The following PDZRN4 variants were observed in gnomAD, a reference collection of about 807,000 sequenced individuals.
PDZRN4 encodes PDZ domain containing ring finger 4, also known as PDZ domain-containing RING finger protein 4.
PDZRN4 carries 70 observed loss-of-function variants against 99.0 expected under a neutral mutation model. The ratio of observed to expected loss-of-function variants is 0.71; its 90% CI spans 0.58 to 0.86. The LOEUF (loss-of-function observed/expected upper bound fraction) is 0.86. Among genes scored for constraint, PDZRN4 ranks in the 40% least tolerant of loss-of-function variants. PDZRN4 has a pLI of 0.00. For missense variants in PDZRN4, 1,474 were observed against 1,331.2 expected, an observed-to-expected ratio of 1.11 and a Z score of -1.67; for synonymous variants, 551 against 501.6, an observed-to-expected ratio of 1.10 and a Z score of -1.32.
intron 3 of PDZRN4, among the ~76,000 whole-genome samples, chr12:41,478,399 A>G (rs1937624798): frequency 6.6e-6 from 1 of 152,186 alleles, no homozygotes; most frequent in South Asian, 2.1e-4. Flanking sequence ...TACAAGCATG[A>G]GCCACTGCAC....
chr12:41,551,928 GAATTTAATATACATT>G (rs1319381387), intron 5 of PDZRN4, among the ~76,000 whole-genome samples: 3 of 152,166 alleles, frequency 2.0e-5, no homozygotes, highest in African/African-American at 7.2e-5. Flanking sequence ...ATCAGGAAAT[GAATTTAATATACATT>G]ACCTGAGGAC....
intron 7 of PDZRN4, among the ~76,000 whole-genome samples, chr12:41,559,498 G>A (rs532321942): frequency 4.6e-5 from 7 of 152,264 alleles, no homozygotes; most frequent in African/African-American, 1.7e-4. Context: ...TTTCCAAGGA[G>A]TTTCCAAGGA....
rs186068371 is a variant in PDZRN4 at position 41,284,671 on chromosome 12, T to C, written c.843+90483T>C. ...GTACCAAAACAGATATATAGACCAA[T>C]GACACAGAACAGAAGCCTCAGAAAT... is the stretch of plus-strand genomic sequence containing the variant. On this transcript the variant is annotated intron_variant, in intron 3 of 9. Coordinates refer to ENST00000402685, the MANE Select transcript of PDZRN4 (RefSeq NM_001164595.2). Among the ~76,000 whole-genome samples, 149 of 152,188 alleles carry C rather than the reference T, an allele frequency of 9.8e-4. 1 individual carries two copies. The highest frequency in any genetic ancestry group is 3.4e-3 in the African/African-American group (143 of 41,514).
At chr12:41,228,187 G>T (rs1591976502) in intron 3 of PDZRN4, among the ~76,000 whole-genome samples, 1 of 152,212 alleles carries the variant, frequency 6.6e-6, no homozygotes, top group East Asian at 1.9e-4. Context: ...CTCCGAATCT[G>T]CCAGAGCCCA....
intron 3 of PDZRN4, among the ~76,000 whole-genome samples, chr12:41,391,694 T>G (rs1952212274): frequency 6.6e-6 from 1 of 152,322 alleles, no homozygotes; most frequent in Non-Finnish European, 1.5e-5. Flanking sequence ...CCTCCCCCAA[T>G]CACTAGTTTA....
At chr12:41,506,407 CCT>C (rs1232293539) in intron 3 of PDZRN4, 47 bp from the exon 4 acceptor site, 1 of 1,523,556 alleles carries the variant, frequency 6.6e-7, no homozygotes, top group South Asian at 1.3e-5. Context: ...ATCATGACAG[CCT>C]CTCTGATCTT....
At chr12:41,366,376 G>T (rs990089340) in intron 3 of PDZRN4, among the ~76,000 whole-genome samples, 5 of 152,088 alleles carry the variant, frequency 3.3e-5, no homozygotes, top group African/African-American at 1.2e-4. Context: ...AAAGGACAGT[G>T]AAAAACTCCA....
intron 3 of PDZRN4, among the ~76,000 whole-genome samples, chr12:41,221,374 G>A (rs748447708): frequency 5.9e-5 from 9 of 152,142 alleles, no homozygotes; most frequent in East Asian, 1.9e-4. Context: ...GGCACATGGG[G>A]AAGAGAAAGC....
At chr12:41,436,800 C>G (rs985231563) in intron 3 of PDZRN4, among the ~76,000 whole-genome samples, 2 of 152,160 alleles carry the variant, frequency 1.3e-5, no homozygotes, top group Non-Finnish European at 2.9e-5. Context: ...TTTTAAGTCT[C>G]TGTTCACCTT....
chr12:41,509,829 A>G lies in PDZRN4; in HGVS notation c.1119A>G (p.Pro373=), dbSNP rs142347030. ...CCCATAGCTGCCATTCTCTACATCCAATGGAGCATGAATTTTATGAGGACA... is the reference window on the plus strand; with the variant it reads ...CCCATAGCTGCCATTCTCTACATCCGATGGAGCATGAATTTTATGAGGACA... ...LLSDSCHSLH[P]MEHEFYEDNE... is the part of the protein sequence containing the mutation. The change falls in exon 5 of 10, where the codon CCA becomes CCG. Residue 373 remains proline, a synonymous_variant. Coordinates refer to ENST00000402685, the MANE Select transcript of PDZRN4 (RefSeq NM_001164595.2). 9.1e-5 allele frequency: 144 copies of G among 1,582,770 alleles called. No homozygotes were observed. The African/African-American group carries it at 1.8e-3, about 19-fold the overall frequency.
intron 2 of PDZRN4, among the ~76,000 whole-genome samples, chr12:41,193,814 C>T (rs953919782): frequency 6.6e-6 from 1 of 152,136 alleles, no homozygotes; most frequent in Non-Finnish European, 1.5e-5. Context: ...TCACCTTGTA[C>T]ATGCCCTTTC....
intron 3 of PDZRN4, among the ~76,000 whole-genome samples, chr12:41,299,265 TGAGA>T (rs374747989): frequency 1.3e-5 from 2 of 150,284 alleles, no homozygotes; most frequent in East Asian, 1.9e-4. Flanking sequence ...GAGAGTAAAA[TGAGA>T]GAGAGAGAGA....
At chr12:41,322,656 A>G (rs1372642367) in intron 3 of PDZRN4, among the ~76,000 whole-genome samples, 1 of 151,302 alleles carries the variant, frequency 6.6e-6, no homozygotes, top group African/African-American at 2.4e-5. Context: ...ACGCCCGGCT[A>G]ATTATTGTTT....
intron 3 of PDZRN4, among the ~76,000 whole-genome samples, chr12:41,219,627 A>G (rs1162389603): frequency 2.0e-5 from 3 of 152,150 alleles, no homozygotes; most frequent in African/African-American, 4.8e-5. Flanking sequence ...CTCCCGAGAA[A>G]CATGAGCTTG....
chr12:41,452,721 C>T (rs945004121), intron 3 of PDZRN4, among the ~76,000 whole-genome samples: 8 of 152,088 alleles, frequency 5.3e-5, no homozygotes, highest in African/African-American at 1.9e-4. Flanking sequence ...GAAAACACCT[C>T]GTCTGTGTAA....
intron 3 of PDZRN4, among the ~76,000 whole-genome samples, chr12:41,432,762 C>A (rs576708263): frequency 3.3e-5 from 5 of 152,198 alleles, no homozygotes; most frequent in African/African-American, 4.8e-5. Flanking sequence ...GAAGAAGGAG[C>A]CTTTAAACTG....
chr12:41,502,844 T>C (rs538458588), intron 3 of PDZRN4, among the ~76,000 whole-genome samples: 118 of 152,184 alleles, frequency 7.8e-4, no homozygotes, highest in African/African-American at 2.1e-3. Flanking sequence ...AGTAAGGATA[T>C]GGCAATATGA....
intron 3 of PDZRN4, among the ~76,000 whole-genome samples, chr12:41,414,622 A>G (rs1244801677): frequency 6.6e-6 from 1 of 152,106 alleles, no homozygotes; most frequent in Non-Finnish European, 1.5e-5. Flanking sequence ...ATAATGTACA[A>G]CCATCTTCAA....
intron 3 of PDZRN4, among the ~76,000 whole-genome samples, chr12:41,344,748 CAT>C (rs1267792018): frequency 6.8e-6 from 1 of 147,462 alleles, no homozygotes; most frequent in Non-Finnish European, 1.5e-5. Flanking sequence ...ATATATATAT[CAT>C]ATATATGATA....
Sources: gnomAD v4.1 joint callset for allele counts (sites outside exome capture counted in the v4.1 genomes callset) on GRCh38, gnomAD v4.1.1 for gene constraint, MANE v1.5 for transcripts, NCBI Gene and HGNC (gene_info 2026-07-23, HGNC 2026-07-21) for gene names.